The following FOLR3 variants were observed in gnomAD, a reference collection of about 807,000 sequenced individuals.
FOLR3 encodes the protein folate receptor gamma, also known as folate receptor 3 (gamma).
A neutral mutation model predicts 20.0 loss-of-function variants in FOLR3; 9 were observed. The ratio of observed to expected loss-of-function variants is 0.45; its 90% confidence interval spans 0.27 to 0.79. The LOEUF is 0.79. Ranked by LOEUF, FOLR3 falls within the 30% of genes least tolerant of loss-of-function variation. The pLI, the probability that FOLR3 is intolerant of heterozygous loss-of-function variation, is 0.15. For missense variants in FOLR3, 309 were observed against 323.5 expected (o/e 0.96, Z 0.34); for synonymous variants, 124 against 115.5 (o/e 1.07, Z -0.47).
Position 72,139,652 on chromosome 11 carries a change from G to C in FOLR3, c.559G>C (p.Ala187Pro). The change falls in exon 5 of 5, where the codon GCC becomes CCC. Residue 187 changes from alanine to proline, a missense_variant. Transcript: ENST00000611028. ...TGAGTCCTACTTCCCCACTCCAGCC[G>C]CCCTTTGTGAAGGCCTCTGGAGCCA... ...TFESYFPTPA[A>P]LCEGLWSHSF... is the part of the protein sequence containing the mutation. The C allele has an allele frequency of 6.2e-7, 1 of 1,613,524 alleles. No individual in the cohort carries two copies. Among genetic ancestry groups the C allele is most frequent in the Non-Finnish European group, 8.5e-7 (1 of 1,179,888 alleles).
intron 2 of FOLR3, among the ~76,000 whole-genome samples, chr11:72,138,343 G>T (rs1298383016): frequency 6.6e-6 from 1 of 151,952 alleles, no homozygotes; most frequent in Non-Finnish European, 1.5e-5. Flanking sequence ...TCCAGTCTGG[G>T]CAACAGGAGC....
chr11:72,136,014 G>C lies in FOLR3; in HGVS notation c.62G>C (p.Ser21Thr). 1 of 1,613,966 alleles carries C rather than the reference G, an allele frequency of 6.2e-7. No homozygotes were observed. The highest frequency in any genetic ancestry group is 8.5e-7 in the Non-Finnish European group (1 of 1,179,876). ...LLLALVTAAG[S>T]AQPRSARART... ...CTGGCTTTGGTGACTGCTGCGGGGA[G>C]TGCCCAGCCCAGGAGTGCGCGGGCC... The change falls in exon 2 of 5, where the codon AGT becomes ACT. Residue 21 changes from serine (S) to threonine (T), a missense_variant. Transcript: ENST00000611028.
intron 2 of FOLR3, among the ~76,000 whole-genome samples, chr11:72,136,351 T>A (rs111274718): frequency 2.0e-5 from 3 of 152,116 alleles, no homozygotes; most frequent in African/African-American, 7.2e-5. Context: ...TCTGGTCTCC[T>A]GGCCTGCTCC....
At chr11:72,138,271 C>T (rs1001913589) in intron 2 of FOLR3, among the ~76,000 whole-genome samples, 1 of 151,586 alleles carries the variant, frequency 6.6e-6, no homozygotes, top group Non-Finnish European at 1.5e-5. Flanking sequence ...GAGGCTGAGG[C>T]AGGAGAATTG....
intron 2 of FOLR3, 135 bp downstream of exon 2, chr11:72,136,255 G>A: frequency 9.6e-7 from 1 of 1,042,198 alleles, no homozygotes; most frequent in Non-Finnish European, 1.4e-6. Context: ...GGGCCACCAT[G>A]CCACAGGTAA....
At position 72,138,906 on chromosome 11, in the gene FOLR3, A is replaced by G. The variant is rs757267435; in HGVS notation, c.169-55A>G. 40 of 1,591,596 alleles carry G rather than the reference A, an allele frequency of 2.5e-5. 1 individual carries two copies. In the South Asian group the frequency reaches 4.3e-4, roughly 17 times the overall value. On this transcript the variant is annotated intron_variant, in intron 2 of 4. Transcript: ENST00000611028. ...CTACCTGGGGCAGAGGAGCCAGAAT[A>G]TGGAGGAGATGGCTGTGGTGGGGAG...
At chr11:72,138,665 G>C (rs909430755) in intron 2 of FOLR3, among the ~76,000 whole-genome samples, 2 of 152,136 alleles carry the variant, frequency 1.3e-5, no homozygotes, top group Non-Finnish European at 2.9e-5. Context: ...CCAGCTCCTC[G>C]GGAGGCTGAG....
chr11:72,138,664 C>T (rs140025449), intron 2 of FOLR3, among the ~76,000 whole-genome samples: 36 of 151,904 alleles, frequency 2.4e-4, no homozygotes, highest in Admixed American at 2.1e-3. Flanking sequence ...TCCAGCTCCT[C>T]GGGAGGCTGA....
At chr11:72,136,379 C>T (rs1031014945) in intron 2 of FOLR3, among the ~76,000 whole-genome samples, 14 of 152,116 alleles carry the variant, frequency 9.2e-5, no homozygotes, top group African/African-American at 3.1e-4. Context: ...GTTTCACATT[C>T]CCAGAGGGCT....
intron 2 of FOLR3, chr11:72,138,685 T>G: frequency 6.2e-6 from 3 of 487,256 alleles, no homozygotes; most frequent in East Asian, 3.9e-5. Context: ...GGTGGGAGGA[T>G]TATTTGAGCC....
chr11:72,135,849 CA>C, intron 1 of FOLR3, 81 bp downstream of exon 1: 2 of 1,286,546 alleles, frequency 1.6e-6, no homozygotes, highest in Admixed American at 3.4e-5. Context: ...AGGGTGGGGA[CA>C]GCAGAGATCT....
intron 3 of FOLR3, 87 bp downstream of exon 3, chr11:72,139,236 G>C: frequency 6.4e-7 from 1 of 1,555,082 alleles, no homozygotes; most frequent in Non-Finnish European, 8.7e-7. Flanking sequence ...CCAGGAATTC[G>C]GGTCTGAGGG....
At chr11:72,137,626 G>C (rs1947757915) in intron 2 of FOLR3, among the ~76,000 whole-genome samples, 1 of 151,922 alleles carries the variant, frequency 6.6e-6, no homozygotes, top group Admixed American at 6.6e-5. Context: ...TGAGTAGCTG[G>C]GATTACAGGC....
chr11:72,138,833 G>A (rs1947775668), intron 2 of FOLR3, 128 bp from the exon 3 acceptor site: 2 of 1,057,710 alleles, frequency 1.9e-6, no homozygotes, highest in Non-Finnish European at 2.8e-6. Flanking sequence ...CCGTCCCCAG[G>A]TGGGAGCTCC....
chr11:72,139,479 T>C lies in FOLR3; in HGVS notation c.490T>C (p.Ser164Pro). ...CTGGCACAAAGGCTGGAATTGGACC[T>C]CAGGTGAGGACCTGAGGAGATAAGA... ...SNWHKGWNWTSGINECPAGAL... is the reference protein window; with the variant it reads ...SNWHKGWNWTPGINECPAGAL... The change falls in exon 4 of 5, where the codon TCA becomes CCA. Residue 164 changes from serine (S) to proline (P), a missense_variant. By Grantham distance (74) the Ser-to-Pro change is moderately conservative. Coordinates refer to ENST00000611028, the MANE Select transcript of FOLR3 (RefSeq NM_000804.4). 1 of 1,613,860 alleles carries C rather than the reference T, an allele frequency of 6.2e-7. No homozygotes were observed.
In FOLR3 at chr11:72,139,870, T is replaced by C. The variant is rs540813817; in HGVS notation, c.*39T>C. 12 of 1,605,196 alleles carry C rather than the reference T, an allele frequency of 7.5e-6. No individual in the cohort carries two copies. In the East Asian group the frequency reaches 2.7e-4, roughly 36 times the overall value. ...CTCTGGGGTTCTTCCAACAACCTAT[T>C]CTAATAGACAAATCCACATGTGTCT... On this transcript the variant is annotated 3_prime_UTR_variant, in exon 5 of 5. Coordinates refer to ENST00000611028, the MANE Select transcript of FOLR3 (RefSeq NM_000804.4).
chr11:72,135,861 G>A (rs895175186), intron 1 of FOLR3, 86 bp from the exon 2 acceptor site: 75 of 1,391,722 alleles, frequency 5.4e-5, no homozygotes, highest in Non-Finnish European at 7.1e-5. Context: ...GCAGAGATCT[G>A]GGCCTGGGAG....
chr11:72,139,276 C>G, intron 3 of FOLR3, 71 bp from the exon 4 acceptor site: 1 of 1,569,446 alleles, frequency 6.4e-7, no homozygotes, highest in Non-Finnish European at 8.7e-7. Context: ...TCCCACAGCT[C>G]TGGTCCCCTT....
chr11:72,139,569 T>G lies in FOLR3; in HGVS notation c.494-18T>G. The G allele has an allele frequency of 1.2e-6, 2 of 1,613,818 alleles. No individual in the cohort carries two copies. Among genetic ancestry groups the G allele is most frequent in the Non-Finnish European group, 8.5e-7 (1 of 1,179,814 alleles). ...GGTCTGGCCCAGAAGCTAAGGGTCT[T>G]ACGTTCTCCTCCCTCAGGGATTAAT... On this transcript the variant is annotated intron_variant, in intron 4 of 4. Coordinates refer to ENST00000611028, the MANE Select transcript of FOLR3 (RefSeq NM_000804.4).
Sources: gnomAD v4.1 joint callset for allele counts (sites outside exome capture counted in the v4.1 genomes callset) on GRCh38, gnomAD v4.1.1 for gene constraint, MANE v1.5 for transcripts, NCBI Gene and HGNC (gene_info 2026-07-23, HGNC 2026-07-21) for gene names.